Variants in ZNF512B observed in about 807,000 individuals in gnomAD.
The protein encoded by ZNF512B is zinc finger protein 512B.
Under a neutral mutation model 87.8 loss-of-function variants are expected in ZNF512B, and 22 were observed. That is an observed-to-expected ratio of 0.25 (90% CI 0.18 to 0.36). The LOEUF is 0.36. ZNF512B is among the 10% of genes least tolerant of loss of function. ZNF512B has a pLI of 1.00. For synonymous variants in ZNF512B, 524 were observed against 490.9 expected (o/e 1.07, Z -0.89); for missense variants, 1,060 against 1,231.6 (o/e 0.86, Z 2.09).
Position 63,963,407 on chromosome 20 carries a change from G to C in ZNF512B, c.1732C>G (p.Gln578Glu). ...TTGCGCAGCCTCTCGCGCTCCTCCTGCTCGCCCCCTTCGGAGGCCTCGGCG... is the reference window on the plus strand; with the variant it reads ...TTGCGCAGCCTCTCGCGCTCCTCCTCCTCGCCCCCTTCGGAGGCCTCGGCG... Reference protein sequence around the residue: ...SDAEASEGGEQEERERLRKVL... With the variant: ...SDAEASEGGEEEERERLRKVL... Residue 578 changes from glutamine (Q) to glutamate (E), a missense_variant, in exon 11 of 17, where the codon CAG becomes GAG. Transcript: ENST00000369888. 1 of 1,549,064 alleles carries C rather than the reference G, an allele frequency of 6.5e-7. No individual in the cohort carries two copies.
At position 63,963,625 on chromosome 20, in the gene ZNF512B, C is replaced by A; in HGVS notation, c.1691G>T (p.Ser564Ile). Reference sequence around the variant, plus strand: ...CTGGGGGCCCGACGGTACCTTGGCACTGTGCTCGGCCATAGTGTGGTAGTT... The same window carrying A: ...CTGGGGGCCCGACGGTACCTTGGCAATGTGCTCGGCCATAGTGTGGTAGTT... ...GLNYHTMAEH[S>I]AKPSDAEASE... Residue 564 changes from serine to isoleucine, a missense_variant, in exon 10 of 17, where the codon AGT becomes ATT. By Grantham distance (142) the Ser-to-Ile change is moderately radical. Transcript: ENST00000369888. The A allele has an allele frequency of 6.2e-7, 1 of 1,613,596 alleles. No individual in the cohort carries two copies. The highest frequency in any genetic ancestry group is 2.2e-5 in the East Asian group (1 of 44,888).
rs1278298148 is a variant in ZNF512B, at chr20:63,963,420, G to A, written c.1719C>T (p.Ser573=). The change falls in exon 11 of 17, where the codon TCC becomes TCT. Residue 573 remains serine, a synonymous_variant. Coordinates refer to ENST00000369888, the MANE Select transcript of ZNF512B (RefSeq NM_020713.3). ...HSAKPSDAEA[S]EGGEQEERER... ...CGCGCTCCTCCTGCTCGCCCCCTTC[G>A]GAGGCCTCGGCGTCAGAGGGCTGGG... The A allele has an allele frequency of 3.2e-5, 50 of 1,548,506 alleles. No homozygotes were observed. Among genetic ancestry groups the A allele is most frequent in the Non-Finnish European group, 4.0e-5 (46 of 1,151,774 alleles).
In ZNF512B at chr20:63,961,904, G is replaced by A. The variant is rs745901133; in HGVS notation, c.2328+38C>T. The A allele has an allele frequency of 6.5e-6, 10 of 1,547,906 alleles. No individual in the cohort carries two copies. Among genetic ancestry groups the A allele is most frequent in the African/African-American group, 2.7e-5 (2 of 73,100 alleles). On this transcript the variant is annotated intron_variant, in intron 15 of 16. Transcript: ENST00000369888. This position sits in a 1 kb window ranked among gnomAD's most constrained non-coding sequence, Gnocchi z 6.4. ...GTGGGGTGAGCTGGGAGCTCTGAGT[G>A]CAGCGCACCTGGCCGTGGGGCAGGC... is the stretch of plus-strand genomic sequence containing the variant.
In ZNF512B at chr20:63,957,385, C is replaced by T. The variant is rs1163283302; in HGVS notation, c.*2503G>A. On this transcript the variant is annotated 3_prime_UTR_variant, in exon 17 of 17. Coordinates refer to ENST00000369888, the MANE Select transcript of ZNF512B (RefSeq NM_020713.3). ...GGGTCAGCTATGCTGGTCCCTCTCA[C>T]TGAGGGCTCCTGGAGGCCTATGTGG... 2.0e-5 allele frequency: 3 copies of T among 152,464 alleles called. No homozygotes were observed. Among genetic ancestry groups the T allele is most frequent in the African/African-American group, 7.2e-5 (3 of 41,458 alleles). 9.4% of individuals were successfully genotyped at this position (152,464 alleles called of 1,614,324 possible). A position where few individuals can be genotyped will look rare whatever the true frequency, so the allele number is the denominator to read the frequency against.
At position 63,958,346 on chromosome 20, in the gene ZNF512B, A is replaced by G. The variant is rs557885800; in HGVS notation, c.*1542T>C. ...CCCAGGCCCACCGTCTGCACCAGGA[A>G]ACCCTTAGCACCAAATGTCGGATTG... On this transcript the variant is annotated 3_prime_UTR_variant, in exon 17 of 17. Transcript: ENST00000369888. The G allele has an allele frequency of 6.6e-6, 1 of 152,636 alleles. No homozygotes were observed. Among genetic ancestry groups the G allele is most frequent in the Non-Finnish European group, 1.5e-5 (1 of 68,080 alleles). 9.5% of individuals were successfully genotyped at this position (152,636 alleles called of 1,614,324 possible).
chr20:63,961,193 C>A lies in ZNF512B; in HGVS notation c.2427+116G>T. 1 of 912,074 alleles carries A rather than the reference C, an allele frequency of 1.1e-6. No homozygotes were observed. 56.5% of individuals were successfully genotyped at this position (912,074 alleles called of 1,614,324 possible). A position where few individuals can be genotyped will look rare whatever the true frequency, so the allele number is the denominator to read the frequency against. ...CAGATTTCTCCACATTGGCCACTCT[C>A]CCAGGCACACCCCATGCAGGCCACT... On this transcript the variant is annotated intron_variant, in intron 16 of 16. Transcript: ENST00000369888. This position sits in a 1 kb window ranked among gnomAD's most constrained non-coding sequence, Gnocchi z 6.4.
In ZNF512B at chr20:63,969,601, G is replaced by A. The variant is rs574931364; in HGVS notation, c.-3+213C>T. Among the ~76,000 whole-genome samples, 8 of 147,216 alleles carry A rather than the reference G, an allele frequency of 5.4e-5. No individual in the cohort carries two copies. In the East Asian group the frequency reaches 1.6e-3, roughly 29 times the overall value. On this transcript the variant is annotated intron_variant, in intron 1 of 16. Coordinates refer to ENST00000369888, the MANE Select transcript of ZNF512B (RefSeq NM_020713.3). ...CCGATCGCGGGCGCGGGGTGGGGGG[G>A]CGAAGGCAGTGAACCAAAATGGCGA...
Position 63,959,871 on chromosome 20 carries a change from G to A in ZNF512B, c.*17C>T. ...CGGTGTGGCGGCTGCATGGGGGCCA[G>A]GCCCCACGCACCATGCTCACTTTTC... is the stretch of plus-strand genomic sequence containing the variant. On this transcript the variant is annotated 3_prime_UTR_variant, in exon 17 of 17. Coordinates refer to ENST00000369888, the MANE Select transcript of ZNF512B (RefSeq NM_020713.3). 2 of 1,547,578 alleles carry A rather than the reference G, an allele frequency of 1.3e-6. No homozygotes were observed. Among genetic ancestry groups the A allele is most frequent in the Non-Finnish European group, 1.7e-6 (2 of 1,154,788 alleles).
At chr20:63,966,846 C>T in intron 4 of ZNF512B, 30 bp downstream of exon 4, 1 of 1,612,832 alleles carries the variant, frequency 6.2e-7, no homozygotes, top group Non-Finnish European at 8.5e-7. Context: ...CACCCCGAGG[C>T]CTCCTCTCCC....
chr20:63,967,087 G>C, intron 3 of ZNF512B, 83 bp from the exon 4 acceptor site: 1 of 1,577,172 alleles, frequency 6.3e-7, no homozygotes, highest in Non-Finnish European at 8.6e-7. Context: ...GAGCCCCCCC[G>C]GGCCTGCAGG....
rs576381823 is a variant in ZNF512B at position 63,963,776 on chromosome 20, G to A, written c.1605+13C>T. The A allele has an allele frequency of 6.2e-7, 1 of 1,613,082 alleles. No individual in the cohort carries two copies. The highest frequency in any genetic ancestry group is 1.1e-5 in the South Asian group (1 of 91,088). ...GGCGCCTCCCTCCCAGCGCCTTCCG[G>A]GAGCTGCCTTACCTTCTGACACACC... On this transcript the variant is annotated intron_variant, in intron 9 of 16. Transcript: ENST00000369888.
chr20:63,963,519 G>C, intron 10 of ZNF512B, 79 bp from the exon 11 acceptor site: 1 of 1,580,958 alleles, frequency 6.3e-7, no homozygotes, highest in Admixed American at 1.8e-5. Flanking sequence ...CCAGGTGTTG[G>C]GCCACCGTTG....
Position 63,966,786 on chromosome 20 carries a change from G to A in ZNF512B, c.394-5C>T, listed in dbSNP as rs2058933407. 6.3e-7 allele frequency: 1 copy of A among 1,599,356 alleles called. No individual in the cohort carries two copies. Among genetic ancestry groups the A allele is most frequent in the East Asian group, 2.2e-5 (1 of 44,736 alleles). ...CAGGCGATCTGAGATGGCACCCTGGGCAGGGAAGGGAAGGTTTGGGACAGG... is the reference window on the plus strand; with the variant it reads ...CAGGCGATCTGAGATGGCACCCTGGACAGGGAAGGGAAGGTTTGGGACAGG... On this transcript the variant is annotated splice_region_variant and splice_polypyrimidine_tract_variant and intron_variant, in intron 4 of 16. Transcript: ENST00000369888.
chr20:63,969,431 G>A (rs1601490397), intron 1 of ZNF512B, among the ~76,000 whole-genome samples: 1 of 151,764 alleles, frequency 6.6e-6, no homozygotes, highest in Admixed American at 6.6e-5. Flanking sequence ...CGCCGCGTAG[G>A]CCGTTCGGCC....
rs879924776 is a variant in ZNF512B, at chr20:63,962,928, C to T, written c.1969-147G>A. On this transcript the variant is annotated intron_variant, in intron 12 of 16. Transcript: ENST00000369888. ...CTGACGCAGGCAACCCGAGGGAACA[C>T]GGAGGTTTCACCCTCCCGCCCACCA... The T allele has an allele frequency of 3.6e-4, 451 of 1,258,306 alleles. 1 individual carries two copies. The highest frequency in any genetic ancestry group is 1.1e-4 in the South Asian group (7 of 65,266). 77.9% of individuals were successfully genotyped at this position (1,258,306 alleles called of 1,614,324 possible).
rs41278230 is a variant in ZNF512B at position 63,964,117 on chromosome 20, G to A, written c.1434C>T (p.Ile478=). The change falls in exon 8 of 17, where the codon ATC becomes ATT. Residue 478 remains isoleucine, a synonymous_variant. Transcript: ENST00000369888. ...GGGCCGGTGCCTCCTTGCTGACAGT[G>A]ATGGGGGCAGCTGGCACCTTCTTCC... ...DARKKVPAAP[I]TVSKEAPAPV... The A allele has an allele frequency of 1.5e-4, 245 of 1,609,462 alleles. No individual in the cohort carries two copies. Among genetic ancestry groups the A allele is most frequent in the Non-Finnish European group, 2.0e-4 (234 of 1,178,742 alleles).
rs868590437 is a variant in ZNF512B at position 63,963,395 on chromosome 20, C to T, written c.1744G>A (p.Glu582Lys). 10 of 1,549,350 alleles carry T rather than the reference C, an allele frequency of 6.5e-6. No individual in the cohort carries two copies. The highest frequency in any genetic ancestry group is 1.9e-5 in the Admixed American group (1 of 52,356). Residue 582 changes from glutamate to lysine, a missense_variant, in exon 11 of 17, where the codon GAG becomes AAG. Glu to Lys is a moderately conservative substitution (Grantham distance 56). This residue lies in a region of ZNF512B where 165 missense variants were observed against 173.0 expected (regional missense o/e 0.95). Transcript: ENST00000369888. ...ASEGGEQEER[E>K]RLRKVLKQMG... ...TGCTTCAGCACCTTGCGCAGCCTCT[C>T]GCGCTCCTCCTGCTCGCCCCCTTCG...
At chr20:63,962,992 G>C in intron 12 of ZNF512B, 103 bp downstream of exon 12, 1 of 1,392,300 alleles carries the variant, frequency 7.2e-7, no homozygotes, top group Non-Finnish European at 9.5e-7. Context: ...GGAAACACAC[G>C]CGTTGGGCGG....
chr20:63,962,232 G>A, intron 14 of ZNF512B, 41 bp downstream of exon 14: 3 of 1,560,710 alleles, frequency 1.9e-6, no homozygotes, highest in South Asian at 1.2e-5. Context: ...CTCTGGCCCT[G>A]TATGGCTCCC....
Sources: gnomAD v4.1 joint callset for allele counts (sites outside exome capture counted in the v4.1 genomes callset) on GRCh38, gnomAD v4.1.1 for gene constraint, gnomAD v4.1.1 regional missense constraint, Gnocchi (gnomAD v3.1) non-coding constraint, MANE v1.5 for transcripts, NCBI Gene and HGNC (gene_info 2026-07-23, HGNC 2026-07-21) for gene names.